The following DCC variants were observed in gnomAD, a reference collection of about 807,000 sequenced individuals.
The protein encoded by DCC is DCC netrin 1 receptor.
In DCC, 58 loss-of-function variants were observed where a neutral mutation model predicts 172.5. The observed-to-expected ratio is 0.34, with a 90% CI of 0.27 to 0.42. The LOEUF (loss-of-function observed/expected upper bound fraction) is 0.42. DCC is among the 10% of genes least tolerant of loss of function. DCC has a pLI of 1.00. For synonymous variants in DCC, 709 were observed against 644.5 expected (o/e 1.10, Z -1.52); for missense variants, 1,740 against 1,791.0 (o/e 0.97, Z 0.51).
intron 2 of DCC, among the ~76,000 whole-genome samples, chr18:52,813,180 C>G (rs775033056): frequency 3.3e-5 from 5 of 150,456 alleles, no homozygotes; most frequent in Non-Finnish European, 7.4e-5. Context: ...CAGGAAAAAT[C>G]TTCTTAAATT....
chr18:52,579,180 C>T (rs1179429578), intron 1 of DCC, among the ~76,000 whole-genome samples: 2 of 152,136 alleles, frequency 1.3e-5, no homozygotes, highest in African/African-American at 4.8e-5. Context: ...TAGTTGTAAT[C>T]ATTTTATAAG....
At chr18:52,758,897 G>C (rs2037116276) in intron 2 of DCC, 1 of 152,114 alleles carries the variant, frequency 6.6e-6, no homozygotes, top group Non-Finnish European at 1.5e-5. Flanking sequence ...GGAAGGTTTG[G>C]TTACAGTGCA....
chr18:52,420,734 C>T (rs1027087306), intron 1 of DCC, among the ~76,000 whole-genome samples: 2 of 151,722 alleles, frequency 1.3e-5, no homozygotes, highest in Non-Finnish European at 2.9e-5. Flanking sequence ...GAATTTTACT[C>T]AGTGAAGAGG....
intron 9 of DCC, among the ~76,000 whole-genome samples, chr18:53,181,407 A>C (rs1025782111): frequency 1.4e-5 from 2 of 144,650 alleles, no homozygotes; most frequent in South Asian, 4.3e-4. Flanking sequence ...TTAAAATTTT[A>C]CTTCTTTTTT....
rs148506840 is a variant in DCC, at chr18:52,859,915, G to C, written c.413-46129G>C. ...CTTAGATTAGATAGGCAAAGGAAGG[G>C]GAAGACAAACTAGGATAAGCAAAAA... On this transcript the variant is annotated intron_variant, in intron 2 of 28. Coordinates refer to ENST00000442544, the MANE Select transcript of DCC (RefSeq NM_005215.4). Among the ~76,000 whole-genome samples the C allele has an allele frequency of 4.1e-3, 625 of 151,990 alleles. 2 individuals are homozygous for C. The highest frequency in any genetic ancestry group is 5.4e-3 in the Non-Finnish European group (366 of 67,940).
At chr18:53,105,697 C>CACG (rs2043235105) in intron 7 of DCC, among the ~76,000 whole-genome samples, 1 of 151,832 alleles carries the variant, frequency 6.6e-6, no homozygotes, top group Non-Finnish European at 1.5e-5. Context: ...TTATGCTTTG[C>CACG]TGTCCCCTCC....
chr18:53,307,889 GTGTGTATGTATATATATA>G (rs1431107525), intron 13 of DCC, among the ~76,000 whole-genome samples: 970 of 38,060 alleles, frequency 0.025, 35 homozygotes, highest in African/African-American at 0.054. Context: ...AAAGCAATGT[GTGTGTATGTATATATATA>G]TATATATATA....
intron 1 of DCC, among the ~76,000 whole-genome samples, chr18:52,374,224 C>T (rs1985251193): frequency 6.6e-6 from 1 of 152,204 alleles, no homozygotes; most frequent in East Asian, 1.9e-4. Context: ...CCTTTACAAA[C>T]TTGCAGAGTT....
chr18:53,330,776 T>C (rs1193153437), intron 14 of DCC, among the ~76,000 whole-genome samples: 1 of 152,210 alleles, frequency 6.6e-6, no homozygotes, highest in Non-Finnish European at 1.5e-5. Context: ...TGCTTGTCCT[T>C]TAAAACTCAC....
At chr18:52,631,228 T>C (rs761941694) in intron 1 of DCC, among the ~76,000 whole-genome samples, 26 of 152,234 alleles carry the variant, frequency 1.7e-4, no homozygotes, top group Non-Finnish European at 3.2e-4. Flanking sequence ...TGTTATTTAA[T>C]TGCATGTTTA....
In DCC at chr18:52,492,263, C is replaced by T. The variant is rs140882818; in HGVS notation, c.91+151385C>T. On this transcript the variant is annotated intron_variant, in intron 1 of 28. Transcript: ENST00000442544. ...GAGAAGACATTAAGTAGACGATTCTCGAGAAGGAAACAGGGAAAGATAGTC... is the reference window on the plus strand; with the variant it reads ...GAGAAGACATTAAGTAGACGATTCTTGAGAAGGAAACAGGGAAAGATAGTC... Among the ~76,000 whole-genome samples, 9 of 151,660 alleles carry T rather than the reference C, an allele frequency of 5.9e-5. No homozygotes were observed. In the East Asian group the frequency reaches 1.7e-3, roughly 29 times the overall value.
At chr18:53,191,569 G>T (rs981823802) in intron 9 of DCC, among the ~76,000 whole-genome samples, 10 of 152,260 alleles carry the variant, frequency 6.6e-5, no homozygotes, top group African/African-American at 2.2e-4. Flanking sequence ...ATTGGACAGT[G>T]ATTGCTTATA....
intron 5 of DCC, among the ~76,000 whole-genome samples, chr18:52,930,630 T>C (rs555658531): frequency 6.6e-6 from 1 of 152,268 alleles, no homozygotes; most frequent in East Asian, 1.9e-4. Flanking sequence ...TAAGTATTTA[T>C]ATTCCTATTA....
chr18:52,999,269 C>T (rs1314836626), intron 5 of DCC, among the ~76,000 whole-genome samples: 1 of 151,982 alleles, frequency 6.6e-6, no homozygotes, highest in Non-Finnish European at 1.5e-5. Flanking sequence ...AGCACAAGCT[C>T]TACAGACATT....
intron 1 of DCC, among the ~76,000 whole-genome samples, chr18:52,601,477 T>C (rs2034016963): frequency 6.6e-6 from 1 of 152,092 alleles, no homozygotes; most frequent in Non-Finnish European, 1.5e-5. Flanking sequence ...TCAGTTTTCC[T>C]CTATGTATCT....
chr18:52,594,547 C>G (rs1419015479), intron 1 of DCC, among the ~76,000 whole-genome samples: 2 of 152,110 alleles, frequency 1.3e-5, no homozygotes, highest in Non-Finnish European at 2.9e-5. Flanking sequence ...CTTCAACAAC[C>G]TATATTACAT....
chr18:53,140,853 G>A (rs2043819319), intron 7 of DCC, among the ~76,000 whole-genome samples: 1 of 152,058 alleles, frequency 6.6e-6, no homozygotes, highest in Admixed American at 6.6e-5. Context: ...ATGATAGGTG[G>A]CTATTGATTT....
intron 1 of DCC, among the ~76,000 whole-genome samples, chr18:52,700,930 T>G (rs1222547244): frequency 6.6e-6 from 1 of 152,192 alleles, no homozygotes; most frequent in Non-Finnish European, 1.5e-5. Context: ...TTCCTATTGC[T>G]CTCCAATGGG....
At chr18:52,459,513 G>A (rs988676403) in intron 1 of DCC, among the ~76,000 whole-genome samples, 2 of 150,656 alleles carry the variant, frequency 1.3e-5, no homozygotes, top group African/African-American at 4.9e-5. Flanking sequence ...TGTCGCCCAG[G>A]CTGGAGTGCA....
Sources: allele counts gnomAD v4.1 joint callset (sites outside exome capture counted in the v4.1 genomes callset), GRCh38; gene constraint gnomAD v4.1.1; transcripts MANE v1.5; gene names NCBI Gene and HGNC (gene_info 2026-07-23, HGNC 2026-07-21).